The following RARB variants were observed in gnomAD, a reference collection of about 807,000 sequenced individuals.
RARB encodes the protein retinoic acid receptor beta.
RARB carries 17 observed loss-of-function variants against 51.9 expected under a neutral mutation model. The observed-to-expected ratio is 0.33, with a 90% confidence interval of 0.22 to 0.49. RARB has a LOEUF of 0.49. Among genes scored for constraint, RARB ranks in the 20% least tolerant of loss-of-function variants. RARB has a pLI of 0.99. For synonymous variants in RARB, 215 were observed against 195.4 expected (o/e 1.10, Z -0.84); for missense variants, 369 against 550.8 (o/e 0.67, Z 3.30).
At chr3:25,022,144 G>C (rs557895287) in intron 2 of RARB, among the ~76,000 whole-genome samples, 3 of 152,138 alleles carry the variant, frequency 2.0e-5, no homozygotes, top group Non-Finnish European at 4.4e-5. Context: ...CCCAAGTATA[G>C]TGTACATGTA....
chr3:24,965,347 A>C (rs532363786), intron 2 of RARB, among the ~76,000 whole-genome samples: 2 of 152,206 alleles, frequency 1.3e-5, no homozygotes, highest in African/African-American at 2.4e-5. Context: ...TGAAACCAGA[A>C]ATACATTAAT....
chr3:25,246,591 T>C (rs1575253441), intron 5 of RARB, among the ~76,000 whole-genome samples: 1 of 152,178 alleles, frequency 6.6e-6, no homozygotes, highest in East Asian at 1.9e-4. Flanking sequence ...TCTGCAGGTC[T>C]GCTGGAGTTT....
At chr3:25,029,079 T>C (rs115929129) in intron 2 of RARB, among the ~76,000 whole-genome samples, 2,124 of 152,322 alleles carry the variant, frequency 0.014, 49 homozygotes, top group African/African-American at 0.048. Context: ...CCTGGCAAAA[T>C]CCTGGCTGCC....
intron 3 of RARB, among the ~76,000 whole-genome samples, chr3:25,520,776 T>G (rs988130233): frequency 2.0e-5 from 3 of 152,212 alleles, no homozygotes; most frequent in Non-Finnish European, 4.4e-5. Flanking sequence ...TGAAATGCTC[T>G]AACACTTAAG....
At chr3:25,079,897 AG>A (rs1698957447) in intron 3 of RARB, among the ~76,000 whole-genome samples, 1 of 152,156 alleles carries the variant, frequency 6.6e-6, no homozygotes, top group South Asian at 2.1e-4. Flanking sequence ...TGAGTTGTAA[AG>A]GGTTTTATTC....
intron 2 of RARB, among the ~76,000 whole-genome samples, chr3:24,861,127 G>A (rs542296550): frequency 1.3e-5 from 2 of 152,162 alleles, no homozygotes; most frequent in African/African-American, 2.4e-5. Context: ...TTTGGTGGGG[G>A]CAGGAAGTAT....
At chr3:25,192,882 A>C (rs1296506377) in intron 5 of RARB, among the ~76,000 whole-genome samples, 1 of 152,128 alleles carries the variant, frequency 6.6e-6, no homozygotes. Flanking sequence ...CTGAGTACCT[A>C]CTGTATGTCA....
intron 3 of RARB, among the ~76,000 whole-genome samples, chr3:25,101,831 C>G (rs1699406150): frequency 6.6e-6 from 1 of 151,962 alleles, no homozygotes; most frequent in Non-Finnish European, 1.5e-5. Context: ...CCTGCTTCCC[C>G]ATATCCTCTT....
At chr3:25,043,325 C>T (rs1028044685) in intron 2 of RARB, among the ~76,000 whole-genome samples, 6 of 152,082 alleles carry the variant, frequency 3.9e-5, no homozygotes, top group Admixed American at 1.3e-4. Context: ...CTCATTTATA[C>T]GTGGGCCACA....
intron 5 of RARB, among the ~76,000 whole-genome samples, chr3:25,221,416 C>G (rs528385283): frequency 5.9e-5 from 9 of 152,318 alleles, no homozygotes; most frequent in Admixed American, 3.3e-4. Flanking sequence ...ACCACTGTGT[C>G]AGGCCCAGTA....
chr3:25,163,685 TC>T (rs1700512619), intron 4 of RARB, among the ~76,000 whole-genome samples: 1 of 151,980 alleles, frequency 6.6e-6, no homozygotes, highest in South Asian at 2.1e-4. Flanking sequence ...AGGGATGGAC[TC>T]ATTGAGTCAA....
intron 1 of RARB, among the ~76,000 whole-genome samples, chr3:24,829,801 G>T (rs1180286681): frequency 6.6e-6 from 1 of 152,202 alleles, no homozygotes; most frequent in African/African-American, 2.4e-5. Flanking sequence ...AGCCGGATCC[G>T]CCCCGGCTCC....
chr3:24,894,590 CT>C (rs1703443856), intron 2 of RARB, among the ~76,000 whole-genome samples: 1 of 151,930 alleles, frequency 6.6e-6, no homozygotes, highest in Admixed American at 6.6e-5. Context: ...GTGCATGTGT[CT>C]TTTTTGTGTA....
At chr3:25,308,096 C>G (rs887034400) in intron 5 of RARB, among the ~76,000 whole-genome samples, 5 of 152,162 alleles carry the variant, frequency 3.3e-5, no homozygotes, top group African/African-American at 9.7e-5. Context: ...AGATGTCCAG[C>G]AGTGAGTGCA....
intron 2 of RARB, among the ~76,000 whole-genome samples, chr3:24,962,149 T>C (rs765895718): frequency 8.6e-5 from 13 of 152,006 alleles, no homozygotes; most frequent in Non-Finnish European, 1.6e-4. Context: ...CAGGATAGTC[T>C]CGATCTCCTG....
chr3:25,461,448 A>G (rs756839923), intron 2 of RARB, 107 bp downstream of exon 2: 38 of 1,274,586 alleles, frequency 3.0e-5, no homozygotes, highest in African/African-American at 1.3e-4. Context: ...ATCACCTCCC[A>G]TAAGTGTGGT....
chr3:25,089,534 A>G (rs1699160596), intron 3 of RARB, among the ~76,000 whole-genome samples: 1 of 152,098 alleles, frequency 6.6e-6, no homozygotes, highest in Non-Finnish European at 1.5e-5. Context: ...ATACGGTTTG[A>G]TATCAGTTCA....
chr3:24,866,083 C>T lies in RARB; in HGVS notation c.-380+7331C>T, dbSNP rs568484190. On this transcript the variant is annotated intron_variant, in intron 2 of 11. Transcript: ENST00000383772. ...TTCTGGATTTTAAGGTGGTTAGCTGCGGACACCAATCTGAGGAATGCTGGC... is the reference window on the plus strand; with the variant it reads ...TTCTGGATTTTAAGGTGGTTAGCTGTGGACACCAATCTGAGGAATGCTGGC... 8.3e-4 allele frequency among the ~76,000 whole-genome samples: 127 copies of T among 152,192 alleles called. 1 individual carries two copies. The highest frequency in any genetic ancestry group is 3.4e-3 in the Middle Eastern group (1 of 294).
At chr3:24,957,208 C>A (rs957108787) in intron 2 of RARB, among the ~76,000 whole-genome samples, 1 of 152,186 alleles carries the variant, frequency 6.6e-6, no homozygotes. Context: ...GAATCCAACA[C>A]AGAAGCCCTA....
Sources: gnomAD v4.1 joint callset for allele counts (sites outside exome capture counted in the v4.1 genomes callset) on GRCh38, gnomAD v4.1.1 for gene constraint, MANE v1.5 for transcripts, NCBI Gene and HGNC (gene_info 2026-07-23, HGNC 2026-07-21) for gene names.